Variants in CLASP1 observed in about 807,000 individuals in gnomAD.
CLASP1 encodes CLIP-associating protein 1.
In CLASP1, 38 loss-of-function variants were observed where a neutral mutation model predicts 192.3. The observed-to-expected ratio is 0.20, with a 90% CI of 0.15 to 0.26. CLASP1 has a LOEUF of 0.26. CLASP1 is among the 10% of genes least tolerant of loss of function. CLASP1 has a pLI of 1.00. For missense variants in CLASP1, 1,433 were observed against 1,932.5 expected, an observed-to-expected ratio of 0.74 and a Z score of 4.85; for synonymous variants, 691 against 712.8, an observed-to-expected ratio of 0.97 and a Z score of 0.49.
rs551955770 is a variant in CLASP1, at chr2:121,467,075, G to C, written c.865+2733C>G. ...TTATAAGTGAGAACATGTAGTATTT[G>C]GTTTTCTGTTCCTGCATTAGACTGC... On this transcript the variant is annotated intron_variant, in intron 9 of 39. Coordinates refer to ENST00000263710, the Ensembl canonical transcript of CLASP1. 1.8e-4 allele frequency among the ~76,000 whole-genome samples: 28 copies of C among 152,270 alleles called. No individual in the cohort carries two copies. In the South Asian group the frequency reaches 5.8e-3, roughly 32 times the overall value.
rs1159284078 is a variant in CLASP1 at position 121,384,007 on chromosome 2, T to TATAC, written c.3375-1684_3375-1683insGTAT. 2.7e-3 allele frequency among the ~76,000 whole-genome samples: 376 copies of TATAC among 139,716 alleles called. 1 individual carries two copies. Among genetic ancestry groups the TATAC allele is most frequent in the African/African-American group, 7.4e-3 (268 of 36,312 alleles). The allele number at this position is 139,716 out of a possible 152,430, so 91.7% of individuals were successfully genotyped here. A position where few individuals can be genotyped will look rare whatever the true frequency, so the allele number is the denominator to read the frequency against. ...CACTGGTGAGATATATATATATATATACACACACACACACACACACACACA... is the reference window on the plus strand; with the variant it reads ...CACTGGTGAGATATATATATATATATATACACACACACACACACACACACACACA... On this transcript the variant is annotated intron_variant, in intron 32 of 39. Coordinates refer to ENST00000263710, the Ensembl canonical transcript of CLASP1.
At chr2:121,466,393 A>G (rs2089587605) in intron 9 of CLASP1, among the ~76,000 whole-genome samples, 1 of 152,160 alleles carries the variant, frequency 6.6e-6, no homozygotes, top group Non-Finnish European at 1.5e-5. Flanking sequence ...CAAGATACCA[A>G]TATTCTAGGG....
At position 121,353,364 on chromosome 2, in the gene CLASP1, G is replaced by A. The variant is rs112130734; in HGVS notation, c.4207-4646C>T. 6.7e-3 allele frequency among the ~76,000 whole-genome samples: 1,019 copies of A among 152,212 alleles called. 12 individuals carry two copies. Among genetic ancestry groups the A allele is most frequent in the African/African-American group, 0.023 (973 of 41,516 alleles). On this transcript the variant is annotated intron_variant, in intron 37 of 39. Transcript: ENST00000263710. ...ATCACACTGAATGTTCTAAGAATGG[G>A]TAACACTGGTAAGCCAGCTCCTTCC... is the stretch of plus-strand genomic sequence containing the variant.
chr2:121,577,726 T>A (rs372645022), intron 2 of CLASP1, among the ~76,000 whole-genome samples: 1 of 152,182 alleles, frequency 6.6e-6, no homozygotes, highest in East Asian at 1.9e-4. Context: ...GGTGATTTAA[T>A]GAATAAAATA....
chr2:121,448,536 T>C (rs758251549), intron 17 of CLASP1, among the ~76,000 whole-genome samples: 31 of 152,158 alleles, frequency 2.0e-4, no homozygotes, highest in Non-Finnish European at 3.2e-4. Flanking sequence ...GAGAGTGAAA[T>C]AGTAACTACA....
intron 8 of CLASP1, among the ~76,000 whole-genome samples, chr2:121,500,417 AAAAAG>A (rs1424020700): frequency 1.3e-5 from 2 of 150,906 alleles, no homozygotes; most frequent in Non-Finnish European, 1.5e-5. Flanking sequence ...AAGAAAGAAA[AAAAAG>A]AAAAGAGAAA....
intron 28 of CLASP1, among the ~76,000 whole-genome samples, chr2:121,400,919 T>A (rs1185349250): frequency 6.6e-6 from 1 of 152,210 alleles, no homozygotes; most frequent in African/African-American, 2.4e-5. Context: ...TACTTGCATA[T>A]TGAGGACCCA....
chr2:121,345,598 G>GT (rs1014970211), intron 39 of CLASP1, among the ~76,000 whole-genome samples: 4 of 152,186 alleles, frequency 2.6e-5, no homozygotes, highest in Non-Finnish European at 4.4e-5. Context: ...CTTTTGCTCT[G>GT]TATCTTTCAG....
At chr2:121,602,527 T>C (rs1252718761) in intron 2 of CLASP1, among the ~76,000 whole-genome samples, 1 of 152,136 alleles carries the variant, frequency 6.6e-6, no homozygotes, top group Non-Finnish European at 1.5e-5. Flanking sequence ...AGAACAAAGC[T>C]AGAGGCATCA....
intron 8 of CLASP1, among the ~76,000 whole-genome samples, chr2:121,484,048 TAGGAGGAA>T (rs1664373085): frequency 6.6e-6 from 1 of 152,104 alleles, no homozygotes; most frequent in Admixed American, 6.6e-5. Context: ...AAGCAAAGCT[TAGGAGGAA>T]TCAACATCAT....
rs72830806 is a variant in CLASP1 at position 121,451,208 on chromosome 2, C to T, written c.1446-218G>A. Among the ~76,000 whole-genome samples the T allele has an allele frequency of 2.0e-3, 311 of 152,262 alleles. 1 individual carries two copies. Among genetic ancestry groups the T allele is most frequent in the Non-Finnish European group, 3.5e-3 (241 of 68,022 alleles). On this transcript the variant is annotated intron_variant, in intron 15 of 39. Transcript: ENST00000263710. Reference sequence around the variant, plus strand: ...AACACCCTAGCGCCACTCCAACCTACCCACGCCTAAGGACTTTGATAACCC... The same window carrying T: ...AACACCCTAGCGCCACTCCAACCTATCCACGCCTAAGGACTTTGATAACCC...
chr2:121,430,254 C>A, intron 19 of CLASP1, 77 bp from the exon 20 acceptor site: 2 of 1,149,300 alleles, frequency 1.7e-6, no homozygotes, highest in Non-Finnish European at 2.5e-6. Context: ...AGCCATGCCC[C>A]AAAAGAGGGG....
chr2:121,535,099 G>A (rs773184313), intron 2 of CLASP1, among the ~76,000 whole-genome samples: 1 of 152,148 alleles, frequency 6.6e-6, no homozygotes, highest in Non-Finnish European at 1.5e-5. Flanking sequence ...GCAACGTGGC[G>A]AAATGCCACC....
At chr2:121,647,248 A>C (rs1215414362) in intron 1 of CLASP1, among the ~76,000 whole-genome samples, 1 of 151,760 alleles carries the variant, frequency 6.6e-6, no homozygotes, top group Non-Finnish European at 1.5e-5. Context: ...GGTGCCTGTA[A>C]TCCCAGCTAC....
chr2:121,438,170 T>C (rs983013242), intron 19 of CLASP1, among the ~76,000 whole-genome samples: 1 of 152,222 alleles, frequency 6.6e-6, no homozygotes, highest in African/African-American at 2.4e-5. Flanking sequence ...AGTAGCTTCC[T>C]CTACAGAAGT....
At chr2:121,543,964 T>C (rs1218063409) in intron 2 of CLASP1, among the ~76,000 whole-genome samples, 2 of 152,186 alleles carry the variant, frequency 1.3e-5, no homozygotes, top group East Asian at 1.9e-4. Context: ...ACTATAAATA[T>C]GCCTACTTTG....
At chr2:121,561,273 T>A (rs2059063200) in intron 2 of CLASP1, among the ~76,000 whole-genome samples, 1 of 152,252 alleles carries the variant, frequency 6.6e-6, no homozygotes, top group African/African-American at 2.4e-5. Context: ...ATAGGTTTGA[T>A]CTTTAGAAAC....
At chr2:121,423,820 C>A (rs1301803588) in intron 22 of CLASP1, among the ~76,000 whole-genome samples, 1 of 152,206 alleles carries the variant, frequency 6.6e-6, no homozygotes, top group Non-Finnish European at 1.5e-5. Flanking sequence ...TTTCTACTTG[C>A]TTTGGAAATA....
chr2:121,424,193 C>T (rs1441093601), intron 22 of CLASP1, among the ~76,000 whole-genome samples: 1 of 152,184 alleles, frequency 6.6e-6, no homozygotes, highest in Non-Finnish European at 1.5e-5. Flanking sequence ...ATGTGAAGCA[C>T]CCTGTCATAG....
Sources: gnomAD v4.1 joint callset for allele counts (sites outside exome capture counted in the v4.1 genomes callset) on GRCh38, gnomAD v4.1.1 for gene constraint, MANE v1.5 for transcripts, NCBI Gene and HGNC (gene_info 2026-07-23, HGNC 2026-07-21) for gene names.